NCALD: variants seen among roughly 807,000 people sequenced by gnomAD.
NCALD encodes the protein neurocalcin delta, also known as neurocalcin-delta.
NCALD carries 10 observed loss-of-function variants against 18.6 expected under a neutral mutation model. The ratio of observed to expected loss-of-function variants is 0.54; its 90% confidence interval spans 0.33 to 0.91. The LOEUF (loss-of-function observed/expected upper bound fraction) is 0.91, where lower values mean the gene tolerates loss of function less well. Among genes scored for constraint, NCALD ranks in the 40% least tolerant of loss-of-function variants. NCALD has a pLI of 0.03. For missense variants in NCALD, 184 were observed against 247.6 expected, an observed-to-expected ratio of 0.74 and a Z score of 1.72; for synonymous variants, 88 against 87.4, an observed-to-expected ratio of 1.01 and a Z score of -0.04.
chr8:101,985,777 CTATT>C (rs1186528940), intron 2 of NCALD, among the ~76,000 whole-genome samples: 1 of 152,128 alleles, frequency 6.6e-6, no homozygotes, highest in Non-Finnish European at 1.5e-5. Flanking sequence ...GCTGGAAAGA[CTATT>C]TATACTCAAC....
intron 3 of NCALD, among the ~76,000 whole-genome samples, chr8:101,911,456 C>A (rs1817798047): frequency 6.7e-6 from 1 of 149,898 alleles, no homozygotes; most frequent in Non-Finnish European, 1.5e-5. Flanking sequence ...CTCCTGGATT[C>A]AAGTGATCCT....
At chr8:102,043,052 C>G (rs1424342779) in intron 1 of NCALD, among the ~76,000 whole-genome samples, 1 of 151,938 alleles carries the variant, frequency 6.6e-6, no homozygotes, top group African/African-American at 2.4e-5. Context: ...CCAACCAGAA[C>G]AGCTGAGATT....
At chr8:101,755,362 C>T (rs924951540) in intron 1 of NCALD, among the ~76,000 whole-genome samples, 2 of 152,148 alleles carry the variant, frequency 1.3e-5, no homozygotes, top group African/African-American at 4.8e-5. Flanking sequence ...TCACCTTAAT[C>T]ATGGTAAACA....
chr8:101,991,396 C>CT (rs1821042712), intron 2 of NCALD, among the ~76,000 whole-genome samples: 1 of 152,184 alleles, frequency 6.6e-6, no homozygotes, highest in African/African-American at 2.4e-5. Flanking sequence ...TGATCTGTCT[C>CT]TATTGTAATC....
chr8:102,098,751 C>T (rs1399555814), intron 1 of NCALD, among the ~76,000 whole-genome samples: 1 of 152,056 alleles, frequency 6.6e-6, no homozygotes, highest in Non-Finnish European at 1.5e-5. Context: ...GGCACCAGAC[C>T]CTGCCCTCCC....
At chr8:101,734,532 A>G (rs1396602113) in intron 1 of NCALD, among the ~76,000 whole-genome samples, 8 of 152,210 alleles carry the variant, frequency 5.3e-5, no homozygotes, top group African/African-American at 1.9e-4. Context: ...ATTTATTGTC[A>G]TTGACAAATT....
At chr8:102,073,322 A>G (rs1386200972) in intron 1 of NCALD, among the ~76,000 whole-genome samples, 1 of 152,094 alleles carries the variant, frequency 6.6e-6, no homozygotes, top group African/African-American at 2.4e-5. Flanking sequence ...ATAAAATATC[A>G]CCCTTTTATA....
chr8:101,791,871 G>T (rs996056552), upstream of NCALD, among the ~76,000 whole-genome samples: 1 of 152,144 alleles, frequency 6.6e-6, no homozygotes, highest in African/African-American at 2.4e-5. Flanking sequence ...AAAGCCCAGA[G>T]CCATAGAATG....
intron 1 of NCALD, among the ~76,000 whole-genome samples, chr8:101,722,497 C>T (rs1486959551): frequency 6.6e-6 from 1 of 152,142 alleles, no homozygotes; most frequent in Non-Finnish European, 1.5e-5. Flanking sequence ...GTGTGGTTTT[C>T]AATCAAATCA....
chr8:102,102,345 G>A (rs501344), intron 1 of NCALD, among the ~76,000 whole-genome samples: 46,856 of 151,892 alleles, frequency 0.31, 7,715 homozygotes, highest in East Asian at 0.43. Flanking sequence ...CGCAGAGACG[G>A]AGGCAGAAAC....
At chr8:101,697,229 C>T (rs1332918858) in intron 2 of NCALD, among the ~76,000 whole-genome samples, 1 of 152,054 alleles carries the variant, frequency 6.6e-6, no homozygotes, top group Non-Finnish European at 1.5e-5. Flanking sequence ...CATACACCCT[C>T]CCAAGACTAA....
intron 4 of NCALD, among the ~76,000 whole-genome samples, chr8:101,838,365 G>A (rs1209513962): frequency 6.6e-6 from 1 of 152,150 alleles, no homozygotes; most frequent in Non-Finnish European, 1.5e-5. Flanking sequence ...GGGACTACAG[G>A]TGTGCACCAC....
intron 1 of NCALD, among the ~76,000 whole-genome samples, chr8:102,055,439 C>T (rs1823618635): frequency 6.6e-6 from 1 of 152,140 alleles, no homozygotes; most frequent in Admixed American, 6.5e-5. Context: ...AGAACAGTGT[C>T]TTCATATAAG....
intron 1 of NCALD, among the ~76,000 whole-genome samples, chr8:101,731,119 CTCTT>C (rs1322389886): frequency 1.3e-5 from 2 of 152,062 alleles, no homozygotes; most frequent in Admixed American, 1.3e-4. Flanking sequence ...TGTGAGAAGA[CTCTT>C]TCAGGAGTGA....
intron 1 of NCALD, among the ~76,000 whole-genome samples, chr8:102,075,893 A>C (rs1435490541): frequency 6.6e-6 from 1 of 151,972 alleles, no homozygotes; most frequent in Non-Finnish European, 1.5e-5. Context: ...CAGAGGTTGC[A>C]GTAAGCCGAG....
intron 2 of NCALD, among the ~76,000 whole-genome samples, chr8:102,014,981 C>T (rs1822031738): frequency 6.6e-6 from 1 of 152,048 alleles, no homozygotes; most frequent in Non-Finnish European, 1.5e-5. Context: ...CCCTGGACCA[C>T]CCTTTGAATA....
chr8:102,060,224 G>T (rs1298319475), intron 1 of NCALD, among the ~76,000 whole-genome samples: 1 of 131,276 alleles, frequency 7.6e-6, no homozygotes, highest in African/African-American at 3.8e-5. Context: ...CTTGTGATCT[G>T]CCCGCCTTGG....
chr8:101,787,400 G>T (rs913011602), intron 1 of NCALD, among the ~76,000 whole-genome samples: 1 of 152,164 alleles, frequency 6.6e-6, no homozygotes. Flanking sequence ...AAATGCGAGG[G>T]ATTTGGATTG....
chr8:101,698,745 G>A (rs1464032201), intron 2 of NCALD, among the ~76,000 whole-genome samples: 1 of 152,076 alleles, frequency 6.6e-6, no homozygotes, highest in Non-Finnish European at 1.5e-5. Context: ...AACTGAAACT[G>A]CACCCCTTCC....
Sources: allele counts gnomAD v4.1 joint callset (sites outside exome capture counted in the v4.1 genomes callset), GRCh38; gene constraint gnomAD v4.1.1; transcripts MANE v1.5; gene names NCBI Gene and HGNC (gene_info 2026-07-23, HGNC 2026-07-21).